Variants in MAGOHB observed in about 807,000 individuals in gnomAD.
MAGOHB encodes protein mago nashi homolog 2.
In MAGOHB, 15 loss-of-function variants were observed where a neutral mutation model predicts 20.9. That is an observed-to-expected ratio of 0.72 (90% CI 0.48 to 1.11). MAGOHB has a LOEUF of 1.11. MAGOHB is among the 50% of genes least tolerant of loss of function. The pLI is 0.00. For synonymous variants in MAGOHB, 50 were observed against 57.9 expected (o/e 0.86, Z 0.62); for missense variants, 162 against 177.6 (o/e 0.91, Z 0.50).
At chr12:10,611,764 A>G (rs902346710) in intron 1 of MAGOHB, among the ~76,000 whole-genome samples, 2 of 149,434 alleles carry the variant, frequency 1.3e-5, no homozygotes, top group Admixed American at 1.3e-4. Context: ...AAAAAAAAAA[A>G]AAAAAAAAAA....
intron 1 of MAGOHB, chr12:10,612,863 G>A (rs1865772957): frequency 7.8e-7 from 1 of 1,288,902 alleles, no homozygotes; most frequent in Non-Finnish European, 1.0e-6. Flanking sequence ...TTCTCTCAAA[G>A]GCCAAGTCTC....
chr12:10,611,206 T>C (rs1046389961), intron 1 of MAGOHB, among the ~76,000 whole-genome samples: 1 of 152,214 alleles, frequency 6.6e-6, no homozygotes, highest in African/African-American at 2.4e-5. Context: ...ATGTTCTCTT[T>C]TAAAAATTTT....
intron 1 of MAGOHB, chr12:10,612,943 T>C (rs374623063): frequency 1.6e-6 from 2 of 1,289,108 alleles, no homozygotes; most frequent in Non-Finnish European, 2.0e-6. Flanking sequence ...TGTGGAACTT[T>C]ACCTCTCCCC....
chr12:10,608,870 A>T (rs767923407), intron 3 of MAGOHB: 1 of 152,254 alleles, frequency 6.6e-6, no homozygotes, highest in African/African-American at 2.4e-5. Flanking sequence ...TTGATACAAA[A>T]GGCAATTTCT....
At chr12:10,611,771 A>AAAAAAAAAAAAAAAAAG (rs1555146555) in intron 1 of MAGOHB, among the ~76,000 whole-genome samples, 4 of 93,088 alleles carry the variant, frequency 4.3e-5, no homozygotes, top group African/African-American at 7.8e-5. Context: ...AAAAAAAAAA[A>AAAAAAAAAAAAAAAAAG]AAAAGAAAAG....
chr12:10,612,892 C>G, intron 1 of MAGOHB: 1 of 1,289,154 alleles, frequency 7.8e-7, no homozygotes, highest in South Asian at 1.2e-5. Flanking sequence ...AGACTCATCT[C>G]AAGAGTGCCG....
Position 10,610,575 on chromosome 12 carries a change from TGCAAAAAAAA to T in MAGOHB, c.153+37_153+46del, listed in dbSNP as rs755826918. ...ACAGACTTGAAGAAAATGGGCTAAA[TGCAAAAAAAA>T]AAAAAAAAAAAAAAAAGACATTCAC... is the stretch of plus-strand genomic sequence containing the variant. On this transcript the variant is annotated intron_variant, in intron 2 of 4. Transcript: ENST00000320756. The T allele has an allele frequency of 1.0e-3, 1,235 of 1,202,844 alleles. 10 individuals carry two copies. Among genetic ancestry groups the T allele is most frequent in the East Asian group, 3.8e-3 (123 of 32,666 alleles). The allele number at this position is 1,202,844 out of a possible 1,614,324, so 74.5% of individuals were successfully genotyped here. A position where few individuals can be genotyped will look rare whatever the true frequency, so the allele number is the denominator to read the frequency against.
downstream of MAGOHB, among the ~76,000 whole-genome samples, chr12:10,602,565 A>G (rs1865563329): frequency 1.3e-5 from 2 of 152,224 alleles, no homozygotes; most frequent in South Asian, 4.1e-4. Flanking sequence ...ATTAAACTTT[A>G]TCACATCCAG....
chr12:10,612,887 C>A (rs914770112), intron 1 of MAGOHB: 4 of 1,289,132 alleles, frequency 3.1e-6, no homozygotes, highest in Non-Finnish European at 4.0e-6. Context: ...TTTCGAGACT[C>A]ATCTCAAGAG....
At position 10,605,786 on chromosome 12, in the gene MAGOHB, G is replaced by A. The variant is rs1865617611; in HGVS notation, c.*489C>T. On this transcript the variant is annotated 3_prime_UTR_variant, in exon 5 of 5. Coordinates refer to ENST00000320756, the MANE Select transcript of MAGOHB (RefSeq NM_018048.5). ...AATCCCTGAGGGGTTTGTCATAACT[G>A]TAAAAAAAAACTAGACCTTGTATAA... 1 of 115,896 alleles carries A rather than the reference G, an allele frequency of 8.6e-6. No homozygotes were observed. The highest frequency in any genetic ancestry group is 2.8e-5 in the African/African-American group (1 of 35,276). The allele number at this position is 115,896 out of a possible 1,614,324, so 7.2% of individuals were successfully genotyped here.
At chr12:10,601,639 A>G (rs1413605537), downstream of MAGOHB, among the ~76,000 whole-genome samples, 1 of 152,232 alleles carries the variant, frequency 6.6e-6, no homozygotes, top group African/African-American at 2.4e-5. Flanking sequence ...GATCCATCTC[A>G]AAGTGTCTAA....
Position 10,605,530 on chromosome 12 carries a change from AG to A in MAGOHB, c.*744del, listed in dbSNP as rs1198633167. 6.6e-6 allele frequency: 1 copy of A among 152,238 alleles called. No homozygotes were observed. The highest frequency in any genetic ancestry group is 6.5e-5 in the Admixed American group (1 of 15,288). The allele number at this position is 152,238 out of a possible 1,614,324, so 9.4% of individuals were successfully genotyped here. On this transcript the variant is annotated 3_prime_UTR_variant, in exon 5 of 5. Coordinates refer to ENST00000320756, the MANE Select transcript of MAGOHB (RefSeq NM_018048.5). The stretch of plus-strand genomic sequence containing the variant: ...AACTGAAGTGAGACTCGTGGTCAAT[AG>A]GAGTTAAAAATATTTATGTACATTC...
At chr12:10,612,377 G>A (rs1268200335) in intron 1 of MAGOHB, among the ~76,000 whole-genome samples, 2 of 146,228 alleles carry the variant, frequency 1.4e-5, no homozygotes, top group Non-Finnish European at 3.0e-5. Context: ...AGATCTGGGT[G>A]ACAGAGTGAG....
At chr12:10,602,633 A>G (rs1865563944), downstream of MAGOHB, among the ~76,000 whole-genome samples, 1 of 152,250 alleles carries the variant, frequency 6.6e-6, no homozygotes, top group South Asian at 2.1e-4. Context: ...TTTGCCTTCC[A>G]AATTCACTTT....
chr12:10,600,208 C>T (rs948827356), downstream of MAGOHB, among the ~76,000 whole-genome samples: 19 of 151,818 alleles, frequency 1.3e-4, no homozygotes, highest in African/African-American at 4.6e-4. Context: ...TCATTCCTTA[C>T]ACAGTATTTT....
chr12:10,612,399 A>AAAT (rs3059684), intron 1 of MAGOHB, among the ~76,000 whole-genome samples: 1 of 150,614 alleles, frequency 6.6e-6, no homozygotes, highest in African/African-American at 2.4e-5. Context: ...CCTTGTTTCA[A>AAAT]AATAATAATA....
rs1865692292 is a variant in MAGOHB, at chr12:10,609,888, A to C, written c.207T>G (p.Ser69Arg). ...AAGCATCATCTTCTTTTGTAATTTC[A>C]CTGTCATCAATAATTCTCTTCAGTT... ...MEELKRIIDD[S>R]EITKEDDALW... Residue 69 changes from serine to arginine, a missense_variant, in exon 3 of 5, where the codon AGT (serine) becomes AGG (arginine). Coordinates refer to ENST00000320756, the MANE Select transcript of MAGOHB (RefSeq NM_018048.5). 1 of 1,612,892 alleles carries C rather than the reference A, an allele frequency of 6.2e-7. No homozygotes were observed. The highest frequency in any genetic ancestry group is 1.7e-5 in the Admixed American group (1 of 59,826).
At chr12:10,613,125 C>T (rs1865778898) in intron 1 of MAGOHB, 9 of 495,108 alleles carry the variant, frequency 1.8e-5, no homozygotes, top group South Asian at 6.2e-5. Flanking sequence ...TCCACTGGAC[C>T]ACCCGCTGGT....
chr12:10,608,059 G>C (rs1439221334), intron 3 of MAGOHB, 123 bp from the exon 4 acceptor site: 1 of 584,876 alleles, frequency 1.7e-6, no homozygotes, highest in African/African-American at 1.9e-5. Context: ...GAGGGAGTGG[G>C]GGGCGAGGGG....
Sources: gnomAD v4.1 joint callset for allele counts (sites outside exome capture counted in the v4.1 genomes callset) on GRCh38, gnomAD v4.1.1 for gene constraint, MANE v1.5 for transcripts, NCBI Gene and HGNC (gene_info 2026-07-23, HGNC 2026-07-21) for gene names.